The following CALN1 variants were observed in gnomAD, a reference collection of about 807,000 sequenced individuals.
CALN1 encodes calcium-binding protein 8.
A neutral mutation model predicts 30.6 loss-of-function variants in CALN1; 17 were observed. The observed-to-expected ratio is 0.56, with a 90% CI of 0.38 to 0.83. The LOEUF (loss-of-function observed/expected upper bound fraction) is 0.83. Among genes scored for constraint, CALN1 ranks in the 40% least tolerant of loss-of-function variants. CALN1 has a pLI of 0.00. For synonymous variants in CALN1, 156 were observed against 131.4 expected, an observed-to-expected ratio of 1.19 and a Z score of -1.28; for missense variants, 291 against 354.9, an observed-to-expected ratio of 0.82 and a Z score of 1.45.
chr7:72,106,228 C>G lies in CALN1; in HGVS notation c.311G>C (p.Gly104Ala). Reference sequence around the variant, plus strand: ...GTACCCCAAAGAGCGCATGGCCATGCCCAGCTCCTGCTTGGAGATGAAGCC... The same window carrying G: ...GTACCCCAAAGAGCGCATGGCCATGGCCAGCTCCTGCTTGGAGATGAAGCC... ...GNGFISKQEL[G>A]MAMRSLGYMP... The change falls in exon 4 of 7, where the codon GGC (glycine) becomes GCC (alanine). Residue 104 changes from glycine (G) to alanine (A), a missense_variant. Around this residue, in one of 2 missense-constraint regions of CALN1, gnomAD observed 169 missense variants for 251.7 expected, o/e 0.67. Transcript: ENST00000395275. 1 of 1,614,076 alleles carries G rather than the reference C, an allele frequency of 6.2e-7. No homozygotes were observed. The highest frequency in any genetic ancestry group is 8.5e-7 in the Non-Finnish European group (1 of 1,180,026).
At chr7:71,890,085 G>A (rs1430353247) in intron 5 of CALN1, among the ~76,000 whole-genome samples, 1 of 152,088 alleles carries the variant, frequency 6.6e-6, no homozygotes, top group African/African-American at 2.4e-5. Context: ...TGAGAGCAAT[G>A]AGAATGAGAA....
At chr7:72,144,362 T>TA (rs1353522141) in intron 3 of CALN1, among the ~76,000 whole-genome samples, 9 of 151,826 alleles carry the variant, frequency 5.9e-5, no homozygotes, top group Admixed American at 5.3e-4. Context: ...CAACAAAGAT[T>TA]AAAAGAGACA....
chr7:72,038,183 G>A (rs985690446), intron 4 of CALN1, among the ~76,000 whole-genome samples: 1 of 151,852 alleles, frequency 6.6e-6, no homozygotes, highest in Non-Finnish European at 1.5e-5. Context: ...CAAATTGTGT[G>A]CAAGCTACTC....
chr7:72,395,373 A>T (rs1238830332), intron 2 of CALN1, among the ~76,000 whole-genome samples: 1 of 151,898 alleles, frequency 6.6e-6, no homozygotes, highest in Non-Finnish European at 1.5e-5. Context: ...ACACACACAC[A>T]CACATATCCA....
chr7:71,821,354 TGAA>T (rs897424839), intron 5 of CALN1, among the ~76,000 whole-genome samples: 1 of 152,084 alleles, frequency 6.6e-6, no homozygotes, highest in African/African-American at 2.4e-5. Flanking sequence ...GGGTAATTTA[TGAA>T]GAAGAAGAAG....
intron 3 of CALN1, among the ~76,000 whole-genome samples, chr7:72,138,192 T>C (rs6970190): frequency 0.023 from 3,453 of 152,112 alleles, 45 homozygotes; most frequent in African/African-American, 0.032. Flanking sequence ...AACATGTGCC[T>C]AAGGGAAAAA....
intron 3 of CALN1, among the ~76,000 whole-genome samples, chr7:72,109,609 A>T (rs1341381134): frequency 6.6e-6 from 1 of 152,188 alleles, no homozygotes; most frequent in East Asian, 1.9e-4. Flanking sequence ...AAACAGCCAT[A>T]TGTTTTCCTA....
At chr7:71,939,481 G>A (rs950576390) in intron 5 of CALN1, among the ~76,000 whole-genome samples, 1 of 151,742 alleles carries the variant, frequency 6.6e-6, no homozygotes, top group African/African-American at 2.4e-5. Context: ...GCTGAGGCAG[G>A]AGAGTTACTT....
At chr7:72,318,626 GA>G (rs947068004) in intron 2 of CALN1, among the ~76,000 whole-genome samples, 4 of 149,068 alleles carry the variant, frequency 2.7e-5, no homozygotes, top group African/African-American at 9.8e-5. Flanking sequence ...CTGCAGCCTC[GA>G]ACTCCTGGGT....
chr7:72,057,799 T>C (rs1447805477), intron 4 of CALN1, among the ~76,000 whole-genome samples: 3 of 152,150 alleles, frequency 2.0e-5, no homozygotes, highest in Non-Finnish European at 4.4e-5. Flanking sequence ...TGATCCCCTA[T>C]TTTGGTGTGG....
At chr7:71,820,164 A>C (rs1404860972) in intron 5 of CALN1, among the ~76,000 whole-genome samples, 2 of 152,184 alleles carry the variant, frequency 1.3e-5, no homozygotes, top group Admixed American at 6.5e-5. Context: ...TGGTCTCTAC[A>C]ATCCTTATCA....
At chr7:72,381,920 A>G (rs955963748) in intron 2 of CALN1, among the ~76,000 whole-genome samples, 2 of 152,214 alleles carry the variant, frequency 1.3e-5, no homozygotes, top group Non-Finnish European at 2.9e-5. Flanking sequence ...AGAAGAGAGG[A>G]TATCATAAGA....
chr7:72,453,196 C>G, the CALN1 span, among the ~76,000 whole-genome samples: 1 of 152,174 alleles, frequency 6.6e-6, no homozygotes, highest in East Asian at 1.9e-4. Context: ...TGGCTTCACT[C>G]AGGAAAGAAT....
At chr7:72,204,510 A>G (rs901573031) in intron 3 of CALN1, among the ~76,000 whole-genome samples, 9 of 152,304 alleles carry the variant, frequency 5.9e-5, no homozygotes, top group African/African-American at 1.9e-4. Flanking sequence ...AAACTATACT[A>G]CACATTATAC....
At chr7:71,894,761 T>C (rs1374082395) in intron 5 of CALN1, among the ~76,000 whole-genome samples, 1 of 152,218 alleles carries the variant, frequency 6.6e-6, no homozygotes, top group East Asian at 1.9e-4. Context: ...GCATGATATG[T>C]TTTTTCACTT....
At chr7:72,174,191 T>C (rs774993278) in intron 3 of CALN1, among the ~76,000 whole-genome samples, 1 of 152,176 alleles carries the variant, frequency 6.6e-6, no homozygotes, top group Non-Finnish European at 1.5e-5. Flanking sequence ...AACAGTTATA[T>C]ACCACCACAC....
chr7:72,319,293 C>A (rs1800710559), intron 2 of CALN1, among the ~76,000 whole-genome samples: 1 of 152,134 alleles, frequency 6.6e-6, no homozygotes, highest in Non-Finnish European at 1.5e-5. Context: ...GCTGGGGAGG[C>A]CTCACAATCA....
chr7:72,396,673 G>A (rs1034970384), intron 2 of CALN1, among the ~76,000 whole-genome samples: 2 of 152,134 alleles, frequency 1.3e-5, no homozygotes, highest in Non-Finnish European at 2.9e-5. Flanking sequence ...TAGAAAAGGT[G>A]ACAGTTGGGT....
chr7:72,337,256 G>T (rs1485199397), intron 2 of CALN1: 3 of 984,944 alleles, frequency 3.0e-6, no homozygotes, highest in Middle Eastern at 5.2e-4. Flanking sequence ...GCCGGCGCCC[G>T]CGTTCAGGAG....
Sources: allele counts gnomAD v4.1 joint callset (sites outside exome capture counted in the v4.1 genomes callset), GRCh38; gene constraint gnomAD v4.1.1; regional missense constraint gnomAD v4.1.1; transcripts MANE v1.5; gene names NCBI Gene and HGNC (gene_info 2026-07-23, HGNC 2026-07-21).